The following FBXO34 variants were observed in gnomAD, a reference collection of about 807,000 sequenced individuals.
FBXO34 encodes the protein F-box only protein 34.
Under a neutral mutation model 24.5 loss-of-function variants are expected in FBXO34, and 12 were observed. That is an observed-to-expected ratio of 0.49 (90% CI 0.31 to 0.79). The LOEUF (loss-of-function observed/expected upper bound fraction) is 0.79, where lower values mean the gene tolerates loss of function less well. Ranked by LOEUF, FBXO34 falls within the 30% of genes least tolerant of loss-of-function variation. The probability of loss-of-function intolerance (pLI) is 0.04; values close to 1 mark genes in which losing one functional copy is unlikely to be tolerated. For missense variants in FBXO34, 823 were observed against 857.7 expected, an observed-to-expected ratio of 0.96 and a Z score of 0.51; for synonymous variants, 320 against 311.9, an observed-to-expected ratio of 1.03 and a Z score of -0.27.
chr14:55,442,477 A>G, the FBXO34 span, among the ~76,000 whole-genome samples: 1 of 152,080 alleles, frequency 6.6e-6, no homozygotes, highest in African/African-American at 2.4e-5. Flanking sequence ...TTTGATAACT[A>G]ATTTTAATGT....
At chr14:55,296,382 GT>G (rs1285557004) in intron 1 of FBXO34, among the ~76,000 whole-genome samples, 3 of 95,782 alleles carry the variant, frequency 3.1e-5, no homozygotes, top group African/African-American at 1.1e-4. Flanking sequence ...CTGTTCTTGT[GT>G]TTTTTTTGTT....
chr14:55,400,257 G>A, the FBXO34 span, among the ~76,000 whole-genome samples: 3 of 152,110 alleles, frequency 2.0e-5, no homozygotes, highest in Non-Finnish European at 4.4e-5. Context: ...CAGCTTCCAA[G>A]AGGTGAAAAA....
Position 55,352,137 on chromosome 14 carries a change from A to G in FBXO34, c.1747A>G (p.Met583Val). Residue 583 changes from methionine to valine, a missense_variant, in exon 2 of 2, where the codon ATG becomes GTG. Met to Val is a conservative substitution (Grantham distance 21). Around this residue, in one of 2 missense-constraint regions of FBXO34, gnomAD observed 130 missense variants for 198.6 expected, o/e 0.65. Coordinates refer to ENST00000313833, the MANE Select transcript of FBXO34 (RefSeq NM_017943.4). ...QYMAFLPHHI[M>V]VKIFRLLPTK... ...CATGGCTTTTCTGCCCCACCACATT[A>G]TGGTAAAAATCTTCAGGTTACTTCC... 6.2e-7 allele frequency: 1 copy of G among 1,614,110 alleles called. No individual in the cohort carries two copies. The highest frequency in any genetic ancestry group is 8.5e-7 in the Non-Finnish European group (1 of 1,180,006).
At chr14:55,375,526 T>G in the FBXO34 span, among the ~76,000 whole-genome samples, 1 of 147,652 alleles carries the variant, frequency 6.8e-6, no homozygotes, top group African/African-American at 2.5e-5. Flanking sequence ...TTACTTTTTG[T>G]AGACATGGAG....
At chr14:55,305,386 G>A (rs960499223) in intron 1 of FBXO34, among the ~76,000 whole-genome samples, 1 of 150,146 alleles carries the variant, frequency 6.7e-6, no homozygotes, top group South Asian at 2.1e-4. Flanking sequence ...CTGCACTCCA[G>A]CCTGGTGACA....
At chr14:55,338,884 C>A (rs991361409) in intron 1 of FBXO34, among the ~76,000 whole-genome samples, 3 of 148,204 alleles carry the variant, frequency 2.0e-5, no homozygotes, top group Admixed American at 6.8e-5. Context: ...CCAGCCTGGG[C>A]GACAGAGCGA....
At position 55,352,262 on chromosome 14, in the gene FBXO34, T is replaced by G. The variant is rs1431854506; in HGVS notation, c.1872T>G (p.Asp624Glu). ...IRPADSRWVRDPRYREDPCKQ... is the reference protein window; with the variant it reads ...IRPADSRWVREPRYREDPCKQ... The stretch of plus-strand genomic sequence containing the variant: ...CAGCAGATTCTCGCTGGGTTCGAGA[T>G]CCACGCTATAGAGAGGATCCTTGCA... The change falls in exon 2 of 2, where the codon GAT becomes GAG. Residue 624 changes from aspartate to glutamate, a missense_variant. Coordinates refer to ENST00000313833, the MANE Select transcript of FBXO34 (RefSeq NM_017943.4). 6.2e-7 allele frequency: 1 copy of G among 1,614,136 alleles called. No homozygotes were observed. The highest frequency in any genetic ancestry group is 2.2e-5 in the East Asian group (1 of 44,870).
chr14:55,328,599 T>TC (rs1272474335), intron 1 of FBXO34, among the ~76,000 whole-genome samples: 9 of 152,338 alleles, frequency 5.9e-5, no homozygotes, highest in Admixed American at 5.9e-4. Context: ...TCTGGAATTT[T>TC]CCATTTACTA....
chr14:55,273,477 G>A (rs528226395), intron 1 of FBXO34, among the ~76,000 whole-genome samples: 1 of 152,264 alleles, frequency 6.6e-6, no homozygotes, highest in South Asian at 2.1e-4. Flanking sequence ...AAGAAATGAG[G>A]AATTTTATGC....
At chr14:55,377,725 G>T in the FBXO34 span, 1 of 830,706 alleles carries the variant, frequency 1.2e-6, no homozygotes, top group Non-Finnish European at 1.8e-6. Context: ...TGAGGAGTTT[G>T]GGATTAGGGA....
chr14:55,371,476 TTCCCACTTGGTC>T (rs1884814715), downstream of FBXO34, among the ~76,000 whole-genome samples: 1 of 152,168 alleles, frequency 6.6e-6, no homozygotes, highest in South Asian at 2.1e-4. Flanking sequence ...GCCATGGGGT[TTCCCACTTGGTC>T]TCCAGTGAGC....
intron 1 of FBXO34, among the ~76,000 whole-genome samples, chr14:55,281,990 G>GTT (rs1594722893): frequency 1.3e-5 from 1 of 78,068 alleles, no homozygotes; most frequent in African/African-American, 7.4e-5. Context: ...TTTAAATTTA[G>GTT]CTTTTTTTTT....
At chr14:55,428,503 T>C in the FBXO34 span, among the ~76,000 whole-genome samples, 1 of 152,132 alleles carries the variant, frequency 6.6e-6, no homozygotes, top group African/African-American at 2.4e-5. Context: ...GTCATCACCT[T>C]TGAGCTTTTT....
At chr14:55,295,943 T>A (rs1281114004) in intron 1 of FBXO34, among the ~76,000 whole-genome samples, 2 of 152,144 alleles carry the variant, frequency 1.3e-5, no homozygotes, top group Non-Finnish European at 2.9e-5. Context: ...TTCCCATGAT[T>A]TACTAGATTG....
At chr14:55,401,609 T>C in the FBXO34 span, among the ~76,000 whole-genome samples, 1 of 152,240 alleles carries the variant, frequency 6.6e-6, no homozygotes, top group East Asian at 1.9e-4. Flanking sequence ...AAATGAACTT[T>C]GTTGTTTCAT....
At chr14:55,414,577 G>A in the FBXO34 span, 2 of 650,646 alleles carry the variant, frequency 3.1e-6, no homozygotes, top group Non-Finnish European at 4.9e-6. Context: ...AGCTGTACCT[G>A]AGAAATGGCA....
rs185809404 is a variant in FBXO34, at chr14:55,275,104, A to G, written c.-11+3567A>G. ...CTTATGGTATTTTGAAGCTGATGAC[A>G]TACTTTATTTTCCAGGAGAGCATTA... On this transcript the variant is annotated intron_variant, in intron 1 of 1. Transcript: ENST00000313833. Among the ~76,000 whole-genome samples the G allele has an allele frequency of 1.6e-4, 25 of 152,318 alleles. 1 individual carries two copies. The South Asian group carries it at 3.3e-3, about 20-fold the overall frequency.
chr14:55,440,326 A>T, the FBXO34 span: 1 of 1,573,964 alleles, frequency 6.4e-7, no homozygotes, highest in Non-Finnish European at 8.6e-7. Flanking sequence ...AGAGGAACGA[A>T]GGCAAAGCCC....
chr14:55,276,753 A>G (rs1881358235), intron 1 of FBXO34, among the ~76,000 whole-genome samples: 1 of 152,202 alleles, frequency 6.6e-6, no homozygotes, highest in South Asian at 2.1e-4. Context: ...GACTATTACA[A>G]GGTGATAGAT....
Sources: allele counts gnomAD v4.1 joint callset (sites outside exome capture counted in the v4.1 genomes callset), GRCh38; gene constraint gnomAD v4.1.1; regional missense constraint gnomAD v4.1.1; transcripts MANE v1.5; gene names NCBI Gene and HGNC (gene_info 2026-07-23, HGNC 2026-07-21).